KYAT1: variants seen among roughly 807,000 people sequenced by gnomAD.
The protein encoded by KYAT1 is kynurenine aminotransferase 1.
A neutral mutation model predicts 52.4 loss-of-function variants in KYAT1; 47 were observed. That is an observed-to-expected ratio of 0.90 (90% CI 0.71 to 1.14). The LOEUF (loss-of-function observed/expected upper bound fraction) is 1.14. KYAT1 is among the 50% of genes most tolerant of loss of function. The pLI is 0.00. For synonymous variants in KYAT1, 212 were observed against 209.6 expected, an observed-to-expected ratio of 1.01 and a Z score of -0.10; for missense variants, 480 against 557.9, an observed-to-expected ratio of 0.86 and a Z score of 1.41.
At chr9:128,844,451 C>A (rs1261766438) in intron 2 of KYAT1, among the ~76,000 whole-genome samples, 1 of 149,454 alleles carries the variant, frequency 6.7e-6, no homozygotes, top group Non-Finnish European at 1.5e-5. Flanking sequence ...GAGGCTGAGG[C>A]GGGTGGATCA....
upstream of KYAT1, chr9:128,882,365 C>G (rs1161855009): frequency 4.8e-6 from 1 of 209,134 alleles, no homozygotes; most frequent in Non-Finnish European, 9.5e-6. Context: ...GGCTCTGTCT[C>G]CGGGCCGGCC....
At chr9:128,865,162 C>T (rs1411303866) in intron 1 of KYAT1, among the ~76,000 whole-genome samples, 1 of 143,236 alleles carries the variant, frequency 7.0e-6, no homozygotes, top group Non-Finnish European at 1.5e-5. Context: ...GAGGTTGGGG[C>T]TGAAGTGAGC....
Position 128,836,905 on chromosome 9 carries a change from C to T in KYAT1, c.585G>A (p.Glu195=). ...GGCAAAGGCTGGCCACCAGCTCCAG[C>T]TCTTCCCTGGAGAACACCTGCAGAT... ...NPLGKVFSRE[E]LELVASLCQQ... Residue 195 remains glutamate, a synonymous_variant, in exon 7 of 13, where the codon GAG becomes GAA. Transcript: ENST00000302586. The T allele has an allele frequency of 6.2e-7, 1 of 1,613,066 alleles. No homozygotes were observed. Among genetic ancestry groups the T allele is most frequent in the Non-Finnish European group, 8.5e-7 (1 of 1,179,806 alleles).
Position 128,836,859 on chromosome 9 carries a change from T to C in KYAT1, c.631A>G (p.Ile211Val), listed in dbSNP as rs1338365970. 3.1e-6 allele frequency: 5 copies of C among 1,613,938 alleles called. No homozygotes were observed. In the East Asian group the frequency reaches 1.1e-4, roughly 36 times the overall value. ...ATCCACTGGTAGACTTCATCAGTGA[T>C]ACACACCACGTCATGCTGCTGGCAA... ...SLCQQHDVVCITDEVYQWMVY... is the reference protein window; with the variant it reads ...SLCQQHDVVCVTDEVYQWMVY... The change falls in exon 7 of 13, where the codon ATC (isoleucine) becomes GTC (valine). Residue 211 changes from isoleucine (I) to valine (V), a missense_variant. By Grantham distance (29) the Ile-to-Val change is conservative. Transcript: ENST00000302586.
Position 128,836,853 on chromosome 9 carries a change from C to T in KYAT1, c.637G>A (p.Asp213Asn). The change falls in exon 7 of 13, where the codon GAT (aspartate) becomes AAT (asparagine). Residue 213 changes from aspartate to asparagine, a missense_variant. Physicochemically the swap from Asp to Asn is conservative, Grantham distance 23. Transcript: ENST00000302586. ...CQQHDVVCIT[D>N]EVYQWMVYDG... ...TAGACCATCCACTGGTAGACTTCATCAGTGATACACACCACGTCATGCTGC... is the reference window on the plus strand; with the variant it reads ...TAGACCATCCACTGGTAGACTTCATTAGTGATACACACCACGTCATGCTGC... 1 of 1,614,020 alleles carries T rather than the reference C, an allele frequency of 6.2e-7. No individual in the cohort carries two copies. The highest frequency in any genetic ancestry group is 8.5e-7 in the Non-Finnish European group (1 of 1,180,020).
intron 1 of KYAT1, among the ~76,000 whole-genome samples, chr9:128,864,397 T>A (rs968736062): frequency 6.6e-6 from 1 of 151,720 alleles, no homozygotes; most frequent in Non-Finnish European, 1.5e-5. Flanking sequence ...GTTTTTCATT[T>A]AAAAAATTTT....
At chr9:128,839,708 G>A (rs1030476774) in intron 3 of KYAT1, among the ~76,000 whole-genome samples, 3 of 152,170 alleles carry the variant, frequency 2.0e-5, no homozygotes, top group Non-Finnish European at 2.9e-5. Context: ...ACTCAACTCA[G>A]TAACTCACTA....
At position 128,838,377 on chromosome 9, in the gene KYAT1, C is replaced by G. The variant is rs776672797; in HGVS notation, c.202-10G>C. The G allele has an allele frequency of 1.1e-5, 17 of 1,613,898 alleles. No individual in the cohort carries two copies. The Admixed American group carries it at 1.8e-4, about 17-fold the overall frequency. ...TCAGTGGTGGGTAACCCTGCCAGGA[C>G]AGCAGGGGTTAACTGTCCAGCTCAG... On this transcript the variant is annotated splice_polypyrimidine_tract_variant and intron_variant, in intron 3 of 12. Transcript: ENST00000302586.
At chr9:128,875,653 G>A (rs1228472536) in intron 1 of KYAT1, among the ~76,000 whole-genome samples, 10 of 151,952 alleles carry the variant, frequency 6.6e-5, no homozygotes, top group Admixed American at 2.6e-4. Context: ...TGGGATAACT[G>A]CTGCAATGGA....
chr9:128,839,957 T>A (rs1831849023), intron 3 of KYAT1, among the ~76,000 whole-genome samples: 1 of 152,118 alleles, frequency 6.6e-6, no homozygotes, highest in African/African-American at 2.4e-5. Flanking sequence ...CTCGGGAGGC[T>A]GAGGCAGGAG....
chr9:128,874,204 C>T (rs1363351089), intron 1 of KYAT1, among the ~76,000 whole-genome samples: 5 of 149,294 alleles, frequency 3.3e-5, no homozygotes, highest in African/African-American at 9.8e-5. Flanking sequence ...TGCAGTGAGC[C>T]GAGATCACGC....
At chr9:128,861,768 C>T (rs1024922530) in intron 1 of KYAT1, among the ~76,000 whole-genome samples, 3 of 152,212 alleles carry the variant, frequency 2.0e-5, no homozygotes, top group Non-Finnish European at 2.9e-5. Flanking sequence ...AACGGATGAG[C>T]GGCCCAAGGG....
intron 1 of KYAT1, among the ~76,000 whole-genome samples, chr9:128,878,619 TGAG>T (rs1274409920): frequency 2.0e-5 from 3 of 152,210 alleles, no homozygotes; most frequent in African/African-American, 7.2e-5. Context: ...ACAGCCTGTC[TGAG>T]GAGATCTAAC....
rs774376544 is a variant in KYAT1 at position 128,857,142 on chromosome 9, A to G, written c.-6-11731T>C. Among the ~76,000 whole-genome samples the G allele has an allele frequency of 4.8e-4, 73 of 152,370 alleles. No homozygotes were observed. In the Middle Eastern group the frequency reaches 0.01, roughly 21 times the overall value. ...AAACATAAATCCGGCCTACGTGCAC[A>G]TGCAGGCATAGTACCTCCCCTTGAA... On this transcript the variant is annotated intron_variant, in intron 1 of 12. Transcript: ENST00000302586.
intron 1 of KYAT1, among the ~76,000 whole-genome samples, chr9:128,846,494 G>A (rs1284887444): frequency 6.6e-6 from 1 of 151,024 alleles, no homozygotes; most frequent in Non-Finnish European, 1.5e-5. Context: ...AGCTACTCAG[G>A]AGGCTGAGGC....
chr9:128,873,017 A>G (rs1837460334), intron 1 of KYAT1, among the ~76,000 whole-genome samples: 1 of 145,786 alleles, frequency 6.9e-6, no homozygotes, highest in Non-Finnish European at 1.5e-5. Flanking sequence ...CAAAGATTCT[A>G]GTGAGCCAGG....
intron 1 of KYAT1, among the ~76,000 whole-genome samples, chr9:128,881,049 C>T (rs962782141): frequency 6.6e-6 from 1 of 152,172 alleles, no homozygotes; most frequent in Non-Finnish European, 1.5e-5. Flanking sequence ...CCTCAGGCGT[C>T]CTTCTACGCA....
chr9:128,854,038 T>C (rs934789718), intron 1 of KYAT1, among the ~76,000 whole-genome samples: 1 of 152,226 alleles, frequency 6.6e-6, no homozygotes, highest in African/African-American at 2.4e-5. Flanking sequence ...TTTGCTGTCA[T>C]GGGAGTTCCA....
rs1831381303 is a variant in KYAT1 at position 128,837,750 on chromosome 9, C to T, written c.502G>A (p.Ala168Thr). Residue 168 changes from alanine (A) to threonine (T), a missense_variant, in exon 6 of 13, where the codon GCC becomes ACC. Ala to Thr is a moderately conservative substitution (Grantham distance 58). Coordinates refer to ENST00000302586, the MANE Select transcript of KYAT1 (RefSeq NM_004059.5). ...SNWQLDPMELAGKFTSRTKAL... is the reference protein window; with the variant it reads ...SNWQLDPMELTGKFTSRTKAL... ...TTGGTGCGTGATGTGAATTTGCCGG[C>T]CAGCTCCATGGGGTCCAGCTGCCAG... The T allele has an allele frequency of 5.0e-6, 8 of 1,613,944 alleles. No individual in the cohort carries two copies. The highest frequency in any genetic ancestry group is 1.7e-5 in the Admixed American group (1 of 59,994).
Sources: allele counts gnomAD v4.1 joint callset (sites outside exome capture counted in the v4.1 genomes callset), GRCh38; gene constraint gnomAD v4.1.1; transcripts MANE v1.5; gene names NCBI Gene and HGNC (gene_info 2026-07-23, HGNC 2026-07-21).